The following PCCB variants were observed in gnomAD, a reference collection of about 807,000 sequenced individuals.
PCCB encodes the protein propionyl-CoA carboxylase beta chain, mitochondrial.
PCCB carries 43 observed loss-of-function variants against 60.7 expected under a neutral mutation model. The ratio of observed to expected loss-of-function variants is 0.71; its 90% CI spans 0.55 to 0.91. The LOEUF is 0.91. PCCB is among the 40% of genes least tolerant of loss of function. PCCB has a pLI of 0.00. For synonymous variants in PCCB, 276 were observed against 255.9 expected (o/e 1.08, Z -0.75); for missense variants, 766 against 702.8 (o/e 1.09, Z -1.02).
intron 8 of PCCB, among the ~76,000 whole-genome samples, chr3:136,300,170 GTA>G (rs1451847518): frequency 4.8e-5 from 3 of 62,766 alleles, no homozygotes; most frequent in African/African-American, 2.3e-4. Context: ...ATACACATAT[GTA>G]TATGTGTATA....
At chr3:136,268,863 G>T (rs998843236) in intron 5 of PCCB, among the ~76,000 whole-genome samples, 1 of 152,166 alleles carries the variant, frequency 6.6e-6, no homozygotes, top group African/African-American at 2.4e-5. Context: ...CTAACATATT[G>T]AGTCTTCCAC....
At chr3:136,299,440 A>T (rs1934101463) in intron 8 of PCCB, among the ~76,000 whole-genome samples, 1 of 151,956 alleles carries the variant, frequency 6.6e-6, no homozygotes, top group African/African-American at 2.4e-5. Context: ...GCTTATGTAT[A>T]TATGCATATG....
chr3:136,267,160 CAGGCGTG>C (rs1426274662), intron 5 of PCCB, among the ~76,000 whole-genome samples: 1 of 152,178 alleles, frequency 6.6e-6, no homozygotes. Flanking sequence ...GCTGGGGTTA[CAGGCGTG>C]AGCCAGCACA....
chr3:136,296,861 G>A (rs181509397), intron 7 of PCCB, among the ~76,000 whole-genome samples: 4 of 152,234 alleles, frequency 2.6e-5, no homozygotes, highest in East Asian at 1.9e-4. Context: ...AATATTCATC[G>A]AGTACCTATG....
At chr3:136,313,522 T>C (rs1242265165) in intron 9 of PCCB, among the ~76,000 whole-genome samples, 8 of 152,260 alleles carry the variant, frequency 5.3e-5, no homozygotes, top group Non-Finnish European at 8.8e-5. Flanking sequence ...AATTAAAAGA[T>C]ACAAATGCAA....
intron 1 of PCCB, among the ~76,000 whole-genome samples, chr3:136,251,493 C>T (rs1941514726): frequency 6.6e-6 from 1 of 152,142 alleles, no homozygotes; most frequent in African/African-American, 2.4e-5. Context: ...ATTTGAACAG[C>T]TCTATATTTG....
chr3:136,250,735 C>T (rs964313397), intron 1 of PCCB, among the ~76,000 whole-genome samples, 177 bp downstream of exon 1: 2 of 152,230 alleles, frequency 1.3e-5, no homozygotes, highest in East Asian at 1.9e-4. Context: ...GTATAACCAG[C>T]AGAAGCACCT....
intron 9 of PCCB, among the ~76,000 whole-genome samples, chr3:136,314,838 C>T (rs1039561733): frequency 3.3e-5 from 5 of 152,116 alleles, no homozygotes; most frequent in African/African-American, 9.7e-5. Flanking sequence ...GTAGTCTCAA[C>T]GTATTTCCTC....
Position 136,308,890 on chromosome 3 carries a change from ATG to A in PCCB, c.966+7783_966+7784del, listed in dbSNP as rs553347045. ...CTAAAAGAAAAAAAGACAAAACACT[ATG>A]TGTCAAAACCTATAGAATATGTTTA... is the stretch of plus-strand genomic sequence containing the variant. On this transcript the variant is annotated intron_variant, in intron 9 of 14. Coordinates refer to ENST00000251654, the MANE Select transcript of PCCB (RefSeq NM_000532.5). 3.7e-3 allele frequency among the ~76,000 whole-genome samples: 571 copies of A among 152,318 alleles called. 3 individuals are homozygous for A. The highest frequency in any genetic ancestry group is 6.6e-3 in the Non-Finnish European group (446 of 68,026).
intron 1 of PCCB, chr3:136,252,160 G>T (rs1941534686): frequency 2.5e-6 from 1 of 400,530 alleles, no homozygotes; most frequent in Non-Finnish European, 5.0e-6. Context: ...GGGATTATGG[G>T]TGTGAGCCAC....
chr3:136,312,385 G>T (rs1361189531), intron 9 of PCCB, among the ~76,000 whole-genome samples: 2 of 152,118 alleles, frequency 1.3e-5, no homozygotes, highest in Non-Finnish European at 2.9e-5. Context: ...CATAAAAAGG[G>T]TACAGTAAAA....
At chr3:136,293,507 C>T (rs1476016700) in intron 6 of PCCB, among the ~76,000 whole-genome samples, 1 of 152,168 alleles carries the variant, frequency 6.6e-6, no homozygotes, top group Non-Finnish European at 1.5e-5. Flanking sequence ...GATGAATGAC[C>T]TTGAGATGTT....
chr3:136,318,783 T>C (rs1348929703), intron 10 of PCCB, among the ~76,000 whole-genome samples: 2 of 152,270 alleles, frequency 1.3e-5, no homozygotes, highest in Non-Finnish European at 2.9e-5. Flanking sequence ...ATGTTGCATG[T>C]ATATACCACA....
intron 9 of PCCB, among the ~76,000 whole-genome samples, chr3:136,308,888 C>G (rs1934548521): frequency 6.6e-6 from 1 of 152,094 alleles, no homozygotes; most frequent in Non-Finnish European, 1.5e-5. Context: ...AGACAAAACA[C>G]TATGTGTCAA....
chr3:136,282,096 A>G (rs1271899795), intron 5 of PCCB, among the ~76,000 whole-genome samples: 1 of 152,166 alleles, frequency 6.6e-6, no homozygotes, highest in Admixed American at 6.5e-5. Context: ...TGATTTTTCA[A>G]GGTTGAAAAA....
intron 5 of PCCB, 96 bp downstream of exon 5, chr3:136,262,161 C>T (rs958988444): frequency 1.3e-6 from 1 of 798,882 alleles, no homozygotes; most frequent in Non-Finnish European, 2.1e-6. Flanking sequence ...TCATTGTTCT[C>T]TGCCGCATTG....
chr3:136,308,589 A>C (rs752285457), intron 9 of PCCB, among the ~76,000 whole-genome samples: 5 of 152,344 alleles, frequency 3.3e-5, no homozygotes, highest in Admixed American at 6.5e-5. Context: ...TAATAGGTAG[A>C]TCTTACACAT....
At chr3:136,280,322 G>C (rs1220811540) in intron 5 of PCCB, among the ~76,000 whole-genome samples, 1 of 152,058 alleles carries the variant, frequency 6.6e-6, no homozygotes, top group African/African-American at 2.4e-5. Context: ...TAAAGTTATT[G>C]GTTGACCAGT....
intron 8 of PCCB, among the ~76,000 whole-genome samples, chr3:136,299,316 A>C (rs1340485937): frequency 6.6e-6 from 1 of 152,040 alleles, no homozygotes; most frequent in Admixed American, 6.5e-5. Context: ...GTATACATAC[A>C]TGTATACATA....
Sources: allele counts gnomAD v4.1 joint callset (sites outside exome capture counted in the v4.1 genomes callset), GRCh38; gene constraint gnomAD v4.1.1; transcripts MANE v1.5; gene names NCBI Gene and HGNC (gene_info 2026-07-23, HGNC 2026-07-21).